CNTN4: variants seen among roughly 807,000 people sequenced by gnomAD.
CNTN4 encodes the protein contactin 4, also known as contactin-4.
CNTN4 carries 77 observed loss-of-function variants against 122.5 expected under a neutral mutation model. The observed-to-expected ratio is 0.63, with a 90% CI of 0.52 to 0.76. The LOEUF (loss-of-function observed/expected upper bound fraction) is 0.76. CNTN4 is among the 30% of genes least tolerant of loss of function. CNTN4 has a pLI of 0.00. For missense variants in CNTN4, 1,256 were observed against 1,259.1 expected (o/e 1.00, Z 0.04); for synonymous variants, 512 against 447.0 (o/e 1.15, Z -1.83).
intron 7 of CNTN4, among the ~76,000 whole-genome samples, chr3:2,835,638 A>G (rs2093208575): frequency 6.6e-6 from 1 of 152,180 alleles, no homozygotes; most frequent in African/African-American, 2.4e-5. Context: ...GTCCCATGCA[A>G]ATTTCAAATC....
At chr3:2,259,698 C>T (rs1276292328) in intron 2 of CNTN4, among the ~76,000 whole-genome samples, 1 of 152,160 alleles carries the variant, frequency 6.6e-6, no homozygotes, top group Non-Finnish European at 1.5e-5. Flanking sequence ...ATGGGGCAAA[C>T]CACCCGTATG....
At chr3:2,660,482 T>G (rs939244409) in intron 4 of CNTN4, among the ~76,000 whole-genome samples, 3 of 152,222 alleles carry the variant, frequency 2.0e-5, no homozygotes, top group African/African-American at 7.2e-5. Context: ...AGAGCAATAT[T>G]GTCTGTTAGA....
At chr3:2,208,041 T>A (rs1187501843) in intron 2 of CNTN4, among the ~76,000 whole-genome samples, 1 of 152,172 alleles carries the variant, frequency 6.6e-6, no homozygotes, top group Non-Finnish European at 1.5e-5. Context: ...CCTGTTAACA[T>A]AATATCCTTT....
intron 3 of CNTN4, among the ~76,000 whole-genome samples, chr3:2,446,087 G>C (rs1250330212): frequency 1.3e-5 from 2 of 152,124 alleles, no homozygotes; most frequent in African/African-American, 4.8e-5. Flanking sequence ...GATTTTGGTA[G>C]GATTCTTAAG....
At chr3:2,525,764 G>A (rs2077377079) in intron 3 of CNTN4, among the ~76,000 whole-genome samples, 1 of 152,132 alleles carries the variant, frequency 6.6e-6, no homozygotes, top group Non-Finnish European at 1.5e-5. Flanking sequence ...TGTATATGTA[G>A]AGGTGAATAT....
chr3:2,503,857 G>A lies in CNTN4; in HGVS notation c.-88-67559G>A, dbSNP rs78872111. 3.3e-3 allele frequency among the ~76,000 whole-genome samples: 508 copies of A among 152,166 alleles called. 6 individuals are homozygous for A. The highest frequency in any genetic ancestry group is 0.012 in the African/African-American group (498 of 41,526). On this transcript the variant is annotated intron_variant, in intron 3 of 24. Transcript: ENST00000418658. ...ATTGAGCAAAGGAGGTTACTGGGGG[G>A]TTGGGAGGACTCTGTAAGAACTGGC...
At chr3:2,906,986 T>C (rs1237347714) in intron 12 of CNTN4, among the ~76,000 whole-genome samples, 1 of 152,152 alleles carries the variant, frequency 6.6e-6, no homozygotes, top group Non-Finnish European at 1.5e-5. Context: ...CCCAGTAATA[T>C]ATTTCAGGTA....
chr3:2,279,022 A>C (rs1153488), intron 2 of CNTN4, among the ~76,000 whole-genome samples: 9,714 of 152,032 alleles, frequency 0.064, 389 homozygotes, highest in African/African-American at 0.076. Flanking sequence ...TTTTGACCTG[A>C]CAATTGAAGG....
intron 2 of CNTN4, among the ~76,000 whole-genome samples, chr3:2,261,294 A>C (rs1559389161): frequency 6.6e-6 from 1 of 152,182 alleles, no homozygotes; most frequent in African/African-American, 2.4e-5. Flanking sequence ...AATTAAATTT[A>C]AAACAATGTC....
At chr3:2,369,163 T>C (rs959689045) in intron 3 of CNTN4, among the ~76,000 whole-genome samples, 1 of 152,156 alleles carries the variant, frequency 6.6e-6, no homozygotes, top group Admixed American at 6.5e-5. Flanking sequence ...GACCTCGTGA[T>C]CTGCTCACCT....
At chr3:3,055,991 C>T (rs1701750490) in intron 24 of CNTN4, 129 bp from the exon 25 acceptor site, 4 of 658,224 alleles carry the variant, frequency 6.1e-6, no homozygotes, top group Admixed American at 5.2e-5. Context: ...TATTTAAAAG[C>T]CATTAAGACC....
chr3:3,037,269 A>G lies in CNTN4; in HGVS notation c.2033A>G (p.Asn678Ser), dbSNP rs550210355. 6.8e-6 allele frequency: 11 copies of G among 1,614,182 alleles called. No homozygotes were observed. The African/African-American group carries it at 9.3e-5, about 14-fold the overall frequency. The change falls in exon 18 of 25, where the codon AAC becomes AGC. Residue 678 changes from asparagine (N) to serine (S), a missense_variant. By Grantham distance (46) the Asn-to-Ser change is conservative. Transcript: ENST00000418658. ...TATGAATTCCGCACAGTTGCAGCCA[A>G]CGTGATTGGGATTGGGGAGCCCAGC... Reference protein sequence around the residue: ...VEYEFRTVAANVIGIGEPSRP... With the variant: ...VEYEFRTVAASVIGIGEPSRP...
intron 14 of CNTN4, among the ~76,000 whole-genome samples, chr3:3,013,433 T>C (rs1209615480): frequency 6.6e-6 from 1 of 152,128 alleles, no homozygotes; most frequent in African/African-American, 2.4e-5. Context: ...CCAGCAACTA[T>C]TTCTGAGATG....
At chr3:2,218,463 T>G (rs898717774) in intron 2 of CNTN4, among the ~76,000 whole-genome samples, 6 of 152,168 alleles carry the variant, frequency 3.9e-5, no homozygotes, top group African/African-American at 1.2e-4. Context: ...AAGGATGTGG[T>G]GTGCTGTGAG....
At position 2,621,659 on chromosome 3, in the gene CNTN4, A is replaced by G. The variant is rs117501665; in HGVS notation, c.55+50101A>G. ...CTTAAAGTATAATAAAAAAATTAAA[A>G]ATAAAACACCAAAATATTAAGTGGG... On this transcript the variant is annotated intron_variant, in intron 4 of 24. Transcript: ENST00000418658. Among the ~76,000 whole-genome samples the G allele has an allele frequency of 3.7e-3, 561 of 152,250 alleles. 14 individuals are homozygous for G. The East Asian group carries it at 0.055, about 15-fold the overall frequency.
chr3:2,922,354 G>C (rs79393021), intron 12 of CNTN4, among the ~76,000 whole-genome samples: 3,486 of 152,238 alleles, frequency 0.023, 123 homozygotes, highest in African/African-American at 0.079. Flanking sequence ...CAGTGTTTGA[G>C]GATGAGAATA....
At chr3:2,585,434 C>A (rs1054830032) in intron 4 of CNTN4, among the ~76,000 whole-genome samples, 3 of 151,964 alleles carry the variant, frequency 2.0e-5, no homozygotes, top group Non-Finnish European at 4.4e-5. Context: ...GACTTGGAAC[C>A]AACCCAAATG....
At position 2,925,780 on chromosome 3, in the gene CNTN4, G is replaced by C; in HGVS notation, c.1358+1G>C. On this transcript the variant is annotated splice_donor_variant, in intron 13 of 24. Transcript: ENST00000418658. LOFTEE classifies it high-confidence loss of function. ...GGGATATATTAAAAGAAAATGAAAG[G>C]TACTGTCTTGAATTATTTTCAATAT... 6.2e-7 allele frequency: 1 copy of C among 1,610,362 alleles called. No individual in the cohort carries two copies. The highest frequency in any genetic ancestry group is 8.5e-7 in the Non-Finnish European group (1 of 1,176,956).
chr3:2,449,614 C>CAAAA (rs34181793), intron 3 of CNTN4, among the ~76,000 whole-genome samples: 2 of 126,044 alleles, frequency 1.6e-5, no homozygotes, highest in Admixed American at 1.7e-4. Flanking sequence ...GACTCCATCT[C>CAAAA]AAAAAAAAAA....
Sources: allele counts gnomAD v4.1 joint callset (sites outside exome capture counted in the v4.1 genomes callset), GRCh38; gene constraint gnomAD v4.1.1; transcripts MANE v1.5; gene names NCBI Gene and HGNC (gene_info 2026-07-23, HGNC 2026-07-21).